Variants in AUTS2 observed in about 807,000 individuals in gnomAD.
AUTS2 encodes the protein activator of transcription and developmental regulator AUTS2, also known as autism susceptibility gene 2 protein.
AUTS2 carries 17 observed loss-of-function variants against 112.4 expected under a neutral mutation model. That is an observed-to-expected ratio of 0.15 (90% CI 0.10 to 0.23). AUTS2 has a LOEUF of 0.23. Ranked by LOEUF, AUTS2 falls within the 10% of genes least tolerant of loss-of-function variation. The probability of loss-of-function intolerance (pLI) is 1.00; values close to 1 mark genes in which losing one functional copy is unlikely to be tolerated. For missense variants in AUTS2, 1,510 were observed against 1,701.6 expected (o/e 0.89, Z 1.98); for synonymous variants, 751 against 702.7 (o/e 1.07, Z -1.09).
rs548078206 is a variant in AUTS2 at position 69,796,009 on chromosome 7, A to C, written c.310-103277A>C. 6.6e-5 allele frequency among the ~76,000 whole-genome samples: 10 copies of C among 152,268 alleles called. No individual in the cohort carries two copies. In the South Asian group the frequency reaches 1.9e-3, roughly 28 times the overall value. ...TAAAAAATAAGTTTTTGGAGCTATA[A>C]ATTTTCAAACACTGCTTTGAGAGGG... is the stretch of plus-strand genomic sequence containing the variant. On this transcript the variant is annotated intron_variant, in intron 1 of 18. Transcript: ENST00000342771.
At chr7:70,081,305 C>A (rs1274745567) in intron 2 of AUTS2, among the ~76,000 whole-genome samples, 1 of 150,224 alleles carries the variant, frequency 6.7e-6, no homozygotes, top group Non-Finnish European at 1.5e-5. Flanking sequence ...AATCCCAGCA[C>A]TTTGGGAGTC....
At chr7:69,631,852 G>A (rs752256632) in intron 1 of AUTS2, among the ~76,000 whole-genome samples, 5 of 152,166 alleles carry the variant, frequency 3.3e-5, no homozygotes, top group Non-Finnish European at 5.9e-5. Context: ...CTAGAACCTT[G>A]TATGTATAAT....
At chr7:70,027,709 T>C (rs1018012600) in intron 2 of AUTS2, among the ~76,000 whole-genome samples, 14 of 152,238 alleles carry the variant, frequency 9.2e-5, no homozygotes, top group African/African-American at 3.1e-4. Flanking sequence ...AACTATCATA[T>C]AATAGAAATA....
intron 3 of AUTS2, among the ~76,000 whole-genome samples, chr7:70,131,901 A>G (rs150112800): frequency 1.1e-3 from 167 of 151,966 alleles, no homozygotes; most frequent in African/African-American, 3.9e-3. Context: ...ACTGAATACA[A>G]GGCCGTAGTC....
chr7:69,891,531 A>G (rs1275207137), intron 1 of AUTS2, among the ~76,000 whole-genome samples: 1 of 152,148 alleles, frequency 6.6e-6, no homozygotes, highest in Non-Finnish European at 1.5e-5. Context: ...CGGTGTACTT[A>G]GAACTTTTAA....
chr7:70,601,911 A>G (rs1803491166), intron 5 of AUTS2, among the ~76,000 whole-genome samples: 1 of 152,154 alleles, frequency 6.6e-6, no homozygotes, highest in Admixed American at 6.5e-5. Flanking sequence ...ACTCTAAACA[A>G]GTGCTTGAAG....
intron 6 of AUTS2, among the ~76,000 whole-genome samples, chr7:70,739,035 T>TTTTTTTTTTTTTTG (rs1787946528): frequency 4.8e-5 from 4 of 82,550 alleles, no homozygotes; most frequent in Non-Finnish European, 6.5e-5. Context: ...TTTTTTTTTT[T>TTTTTTTTTTTTTTG]TTGAGAGAGA....
intron 4 of AUTS2, among the ~76,000 whole-genome samples, chr7:70,138,638 A>G (rs974728252): frequency 6.6e-6 from 1 of 152,174 alleles, no homozygotes; most frequent in African/African-American, 2.4e-5. Flanking sequence ...ATTGGGTCAC[A>G]TCTAGTAATT....
intron 5 of AUTS2, among the ~76,000 whole-genome samples, chr7:70,534,129 G>A (rs568286858): frequency 4.6e-5 from 7 of 152,236 alleles, no homozygotes; most frequent in East Asian, 3.9e-4. Context: ...CCTCCACATC[G>A]GCAGGCTTCC....
At chr7:70,285,500 C>G (rs552461362) in intron 4 of AUTS2, among the ~76,000 whole-genome samples, 1 of 152,272 alleles carries the variant, frequency 6.6e-6, no homozygotes, top group South Asian at 2.1e-4. Context: ...GTTTGGAAAT[C>G]AGGAGCAATG....
At chr7:69,661,325 A>T (rs1795783105) in intron 1 of AUTS2, among the ~76,000 whole-genome samples, 1 of 152,218 alleles carries the variant, frequency 6.6e-6, no homozygotes, top group South Asian at 2.1e-4. Flanking sequence ...AGAAGGGAAA[A>T]ATCTTAAAGG....
chr7:70,554,604 G>C (rs577328433), intron 5 of AUTS2, among the ~76,000 whole-genome samples: 36 of 152,174 alleles, frequency 2.4e-4, no homozygotes, highest in African/African-American at 8.7e-4. Context: ...CTTTGCCCCA[G>C]GATAGTCTGG....
chr7:70,289,696 G>T (rs1788622569), intron 4 of AUTS2, among the ~76,000 whole-genome samples: 1 of 152,176 alleles, frequency 6.6e-6, no homozygotes, highest in African/African-American at 2.4e-5. Context: ...TAGTTGGAGT[G>T]TTGAGGATTA....
At chr7:70,174,594 C>T (rs991742856) in intron 4 of AUTS2, among the ~76,000 whole-genome samples, 3 of 152,186 alleles carry the variant, frequency 2.0e-5, no homozygotes, top group Non-Finnish European at 4.4e-5. Context: ...CAGGCTGACT[C>T]TTCGTAGGAG....
intron 5 of AUTS2, among the ~76,000 whole-genome samples, chr7:70,617,233 C>T (rs1282448344): frequency 1.3e-5 from 2 of 152,140 alleles, no homozygotes; most frequent in Non-Finnish European, 2.9e-5. Flanking sequence ...ACACTTACTT[C>T]GCATGCTGCC....
Position 70,766,083 on chromosome 7 carries a change from G to T in AUTS2, c.1469-31G>T, listed in dbSNP as rs771144854. The T allele has an allele frequency of 1.1e-5, 18 of 1,601,906 alleles. No homozygotes were observed. The highest frequency in any genetic ancestry group is 1.7e-5 in the Admixed American group (1 of 59,674). Reference sequence around the variant, plus strand: ...CCGATGTCCTTTTCTGAAGGAAAAGGCGTCATCGTCTCCCTCTTCTTCTCT... The same window carrying T: ...CCGATGTCCTTTTCTGAAGGAAAAGTCGTCATCGTCTCCCTCTTCTTCTCT... On this transcript the variant is annotated intron_variant, in intron 8 of 18. Transcript: ENST00000342771. This position sits in a 1 kb window ranked among gnomAD's most constrained non-coding sequence, Gnocchi z 4.8.
chr7:70,654,156 C>T (rs1287848100), intron 5 of AUTS2, among the ~76,000 whole-genome samples: 2 of 152,118 alleles, frequency 1.3e-5, no homozygotes, highest in African/African-American at 4.8e-5. Flanking sequence ...ATATGATAGT[C>T]CTCTACTACT....
At chr7:69,892,615 ATTC>A (rs1347037673) in intron 1 of AUTS2, among the ~76,000 whole-genome samples, 3 of 152,192 alleles carry the variant, frequency 2.0e-5, no homozygotes, top group African/African-American at 7.2e-5. Context: ...CAAAATTTTA[ATTC>A]TTGAAGTGTA....
chr7:70,619,247 G>A (rs62456769), intron 5 of AUTS2, among the ~76,000 whole-genome samples: 3,290 of 152,298 alleles, frequency 0.022, 42 homozygotes, highest in South Asian at 0.037. Flanking sequence ...TTTAATAGGG[G>A]CCCGGTGGGA....
Sources: allele counts gnomAD v4.1 joint callset (sites outside exome capture counted in the v4.1 genomes callset), GRCh38; gene constraint gnomAD v4.1.1; non-coding constraint Gnocchi (gnomAD v3.1); transcripts MANE v1.5; gene names NCBI Gene and HGNC (gene_info 2026-07-23, HGNC 2026-07-21).